ADCY8: variants seen among roughly 807,000 people sequenced by gnomAD.
ADCY8 encodes adenylate cyclase 8.
A neutral mutation model predicts 119.7 loss-of-function variants in ADCY8; 51 were observed. The observed-to-expected ratio is 0.43, with a 90% confidence interval of 0.34 to 0.54. The LOEUF (loss-of-function observed/expected upper bound fraction) is 0.54. Ranked by LOEUF, ADCY8 falls within the 20% of genes least tolerant of loss-of-function variation. ADCY8 has a pLI of 0.03. For synonymous variants in ADCY8, 665 were observed against 651.0 expected (o/e 1.02, Z -0.33); for missense variants, 1,383 against 1,598.8 (o/e 0.87, Z 2.30).
intron 8 of ADCY8, among the ~76,000 whole-genome samples, chr8:130,873,248 T>C (rs767263374): frequency 6.6e-6 from 1 of 152,154 alleles, no homozygotes; most frequent in Non-Finnish European, 1.5e-5. Context: ...TTCTTACATT[T>C]CTACAAGATG....
chr8:131,026,128 A>G (rs1009030687), intron 1 of ADCY8, among the ~76,000 whole-genome samples: 5 of 152,172 alleles, frequency 3.3e-5, no homozygotes, highest in African/African-American at 9.7e-5. Context: ...TCCAAAATAC[A>G]CATGTTAAAA....
intron 9 of ADCY8, among the ~76,000 whole-genome samples, chr8:130,858,949 T>C (rs1388100178): frequency 6.6e-6 from 1 of 151,996 alleles, no homozygotes; most frequent in Non-Finnish European, 1.5e-5. Flanking sequence ...TATGTATGTA[T>C]GTTTTAGCAC....
chr8:130,900,319 C>T (rs1819553506), intron 7 of ADCY8, among the ~76,000 whole-genome samples: 1 of 152,118 alleles, frequency 6.6e-6, no homozygotes, highest in African/African-American at 2.4e-5. Flanking sequence ...CATAAGGGGC[C>T]ACAGATAATT....
intron 1 of ADCY8, chr8:130,991,007 T>G (rs1822560899): frequency 6.6e-6 from 1 of 152,364 alleles, no homozygotes; most frequent in Non-Finnish European, 1.5e-5. Context: ...TGTTCTCGGG[T>G]CTTCTTGGAT....
At chr8:130,913,420 G>T (rs1175108068) in intron 5 of ADCY8, among the ~76,000 whole-genome samples, 9 of 151,726 alleles carry the variant, frequency 5.9e-5, no homozygotes, top group Non-Finnish European at 1.0e-4. Flanking sequence ...TTTAGATTCT[G>T]CAAATAAGTG....
chr8:131,025,518 G>A (rs1256775439), intron 1 of ADCY8, among the ~76,000 whole-genome samples: 2 of 152,208 alleles, frequency 1.3e-5, no homozygotes, highest in East Asian at 1.9e-4. Context: ...CCCGCGTGAT[G>A]TGCCAGTGTC....
At chr8:131,021,610 T>G (rs185045454) in intron 1 of ADCY8, among the ~76,000 whole-genome samples, 137 of 152,290 alleles carry the variant, frequency 9.0e-4, no homozygotes, top group Non-Finnish European at 1.2e-3. Context: ...GGGAGGTAAT[T>G]TAATCATGGG....
chr8:130,994,632 T>A (rs1340453227), intron 1 of ADCY8, among the ~76,000 whole-genome samples: 1 of 152,264 alleles, frequency 6.6e-6, no homozygotes, highest in East Asian at 1.9e-4. Context: ...TCCTGTGGAG[T>A]CAAGTGGGCA....
At chr8:130,970,356 G>A (rs1021663458) in intron 2 of ADCY8, among the ~76,000 whole-genome samples, 6 of 152,264 alleles carry the variant, frequency 3.9e-5, no homozygotes, top group African/African-American at 1.4e-4. Flanking sequence ...ATGGTGAACC[G>A]TGCATGTGAG....
chr8:131,019,797 T>TTATC (rs1823595463), intron 1 of ADCY8, among the ~76,000 whole-genome samples: 2 of 104,910 alleles, frequency 1.9e-5, no homozygotes, highest in African/African-American at 7.7e-5. Flanking sequence ...ATGGAACAAA[T>TTATC]TCTCTCTCTC....
intron 2 of ADCY8, among the ~76,000 whole-genome samples, chr8:130,980,984 C>T (rs72716416): frequency 0.067 from 10,153 of 152,254 alleles, 600 homozygotes; most frequent in East Asian, 0.3. Context: ...CTACCCCCCA[C>T]GTCTGCTAGC....
At chr8:130,831,596 C>T (rs1330420641) in intron 12 of ADCY8, among the ~76,000 whole-genome samples, 1 of 152,052 alleles carries the variant, frequency 6.6e-6, no homozygotes, top group Non-Finnish European at 1.5e-5. Flanking sequence ...TCCCATGGTT[C>T]GAATACAGCC....
At chr8:130,786,718 C>CAGAACA (rs1815258876) in intron 15 of ADCY8, among the ~76,000 whole-genome samples, 1 of 152,122 alleles carries the variant, frequency 6.6e-6, no homozygotes, top group Admixed American at 6.6e-5. Context: ...AATAAATACA[C>CAGAACA]AGAACATGCC....
intron 5 of ADCY8, among the ~76,000 whole-genome samples, chr8:130,917,280 C>T (rs1022193088): frequency 1.3e-5 from 2 of 152,168 alleles, no homozygotes; most frequent in Non-Finnish European, 2.9e-5. Context: ...AAGATATAAG[C>T]AGTGACCCAA....
intron 11 of ADCY8, among the ~76,000 whole-genome samples, chr8:130,846,892 CTT>C (rs1563689863): frequency 3.8e-5 from 2 of 53,288 alleles, no homozygotes. Context: ...CTTCCCTTTC[CTT>C]CCTTCCTTCC....
chr8:130,909,866 C>G lies in ADCY8; in HGVS notation c.1482G>C (p.Arg494Ser). The change falls in exon 6 of 18, where the codon AGG (arginine) becomes AGC (serine). Residue 494 changes from arginine (R) to serine (S), a missense_variant and splice_region_variant. Physicochemically the swap from Arg to Ser is moderately radical, Grantham distance 110. Transcript: ENST00000286355. ...CGTGTTTTGTCCTTGACCGCACATA[C>G]CTGTTGACATAGGTAAATGGAGAGA... Reference protein sequence around the residue: ...EMGLSMIKTIRYVRSRTKHDV... With the variant: ...EMGLSMIKTISYVRSRTKHDV... 1 of 1,614,052 alleles carries G rather than the reference C, an allele frequency of 6.2e-7. No individual in the cohort carries two copies. Among genetic ancestry groups the G allele is most frequent in the South Asian group, 1.1e-5 (1 of 91,056 alleles).
chr8:130,866,773 G>A (rs1173922219), intron 9 of ADCY8, among the ~76,000 whole-genome samples: 1 of 152,084 alleles, frequency 6.6e-6, no homozygotes, highest in Non-Finnish European at 1.5e-5. Flanking sequence ...ATGTGACCTG[G>A]GATAAATCCT....
intron 17 of ADCY8, among the ~76,000 whole-genome samples, chr8:130,781,973 A>G (rs895748888): frequency 6.6e-6 from 1 of 152,198 alleles, no homozygotes; most frequent in African/African-American, 2.4e-5. Context: ...TTTACCTTCT[A>G]CTGGGGAGAG....
At chr8:130,923,308 G>C (rs1315106054) in intron 5 of ADCY8, among the ~76,000 whole-genome samples, 2 of 152,166 alleles carry the variant, frequency 1.3e-5, no homozygotes, top group African/African-American at 4.8e-5. Context: ...GTAACAAAGA[G>C]AGAAATAAAA....
Sources: gnomAD v4.1 joint callset for allele counts (sites outside exome capture counted in the v4.1 genomes callset) on GRCh38, gnomAD v4.1.1 for gene constraint, MANE v1.5 for transcripts, NCBI Gene and HGNC (gene_info 2026-07-23, HGNC 2026-07-21) for gene names.